SNTG1: variants seen among roughly 807,000 people sequenced by gnomAD.
The protein encoded by SNTG1 is syntrophin gamma 1.
A neutral mutation model predicts 74.7 loss-of-function variants in SNTG1; 39 were observed. The ratio of observed to expected loss-of-function variants is 0.52; its 90% CI spans 0.40 to 0.68. The LOEUF is 0.68. SNTG1 is among the 30% of genes least tolerant of loss of function. SNTG1 has a pLI of 0.00. For synonymous variants in SNTG1, 254 were observed against 217.1 expected (o/e 1.17, Z -1.49); for missense variants, 685 against 609.5 (o/e 1.12, Z -1.30).
intron 15 of SNTG1, among the ~76,000 whole-genome samples, chr8:50,685,301 G>C (rs2095347823): frequency 6.6e-6 from 1 of 152,266 alleles, no homozygotes; most frequent in Admixed American, 6.5e-5. Context: ...CTGCTAGAAA[G>C]AACTATGCCA....
At chr8:50,363,595 G>A (rs1026502461) in intron 2 of SNTG1, among the ~76,000 whole-genome samples, 22 of 152,274 alleles carry the variant, frequency 1.4e-4, no homozygotes, top group African/African-American at 5.1e-4. Context: ...TCACAGAATT[G>A]TAAGACATAT....
rs902821785 is a variant in SNTG1 at position 50,672,724 on chromosome 8, C to T, written c.1038+14061C>T. 3.4e-4 allele frequency among the ~76,000 whole-genome samples: 51 copies of T among 152,124 alleles called. 1 individual carries two copies. Among genetic ancestry groups the T allele is most frequent in the Admixed American group, 3.3e-3 (51 of 15,272 alleles). On this transcript the variant is annotated intron_variant, in intron 15 of 18. Coordinates refer to ENST00000642720, the MANE Select transcript of SNTG1 (RefSeq NM_018967.5). Reference sequence around the variant, plus strand: ...CATTTATCAATCTTGGCTTTTGTTGCAATTGCTTTTTGCATTTTTGACATG... The same window carrying T: ...CATTTATCAATCTTGGCTTTTGTTGTAATTGCTTTTTGCATTTTTGACATG...
At chr8:50,402,068 A>T in intron 3 of SNTG1, 142 bp from the exon 4 acceptor site, 1 of 741,706 alleles carries the variant, frequency 1.3e-6, no homozygotes, top group Non-Finnish European at 2.1e-6. Context: ...CACGTTAAGT[A>T]TTCAATTTCA....
At chr8:50,522,842 G>T (rs1189223832) in intron 9 of SNTG1, among the ~76,000 whole-genome samples, 1 of 152,126 alleles carries the variant, frequency 6.6e-6, no homozygotes, top group Admixed American at 6.5e-5. Flanking sequence ...CTCCCAAAGT[G>T]CTGGGATTAT....
In SNTG1 at chr8:50,019,886, G is replaced by A. The variant is rs866405071; in HGVS notation, c.-103+107655G>A. On this transcript the variant is annotated intron_variant, in intron 1 of 18. Transcript: ENST00000642720. ...CATGCATGTCAAGAGACATAAGAGT[G>A]TCCTCTAAACAGAGGTGTTATTTTA... Among the ~76,000 whole-genome samples, 12 of 152,218 alleles carry A rather than the reference G, an allele frequency of 7.9e-5. No individual in the cohort carries two copies. The East Asian group carries it at 1.2e-3, about 15-fold the overall frequency.
intron 2 of SNTG1, among the ~76,000 whole-genome samples, chr8:50,283,013 G>T (rs749636973): frequency 2.6e-5 from 4 of 152,176 alleles, no homozygotes; most frequent in African/African-American, 7.2e-5. Flanking sequence ...AATGGTAAAT[G>T]CTTCAACAAT....
chr8:50,552,082 C>T (rs2094430548), intron 11 of SNTG1, among the ~76,000 whole-genome samples: 1 of 152,140 alleles, frequency 6.6e-6, no homozygotes, highest in Non-Finnish European at 1.5e-5. Flanking sequence ...TTTTACATAG[C>T]ATTTTGAATA....
In SNTG1 at chr8:50,057,807, C is replaced by T. The variant is rs538964650; in HGVS notation, c.-102-114754C>T. 1.1e-3 allele frequency among the ~76,000 whole-genome samples: 160 copies of T among 152,058 alleles called. 1 individual carries two copies. The Middle Eastern group carries it at 0.014, about 13-fold the overall frequency. ...CCCTTTCATGTCAGCACTTGGATGTCGTTATAGGAATGAACCTATTTTAGG... is the reference window on the plus strand; with the variant it reads ...CCCTTTCATGTCAGCACTTGGATGTTGTTATAGGAATGAACCTATTTTAGG... On this transcript the variant is annotated intron_variant, in intron 1 of 18. Transcript: ENST00000642720.
intron 1 of SNTG1, among the ~76,000 whole-genome samples, chr8:50,010,711 A>T (rs1815699319): frequency 6.6e-6 from 1 of 151,992 alleles, no homozygotes. Flanking sequence ...GTATACTCAG[A>T]ATATTTAAGA....
intron 10 of SNTG1, among the ~76,000 whole-genome samples, chr8:50,536,237 CTG>C (rs2094306234): frequency 6.6e-6 from 1 of 152,136 alleles, no homozygotes; most frequent in African/African-American, 2.4e-5. Flanking sequence ...TTGCAAAAAT[CTG>C]ATAAATTAAA....
At chr8:50,376,675 A>T (rs1170138321) in intron 2 of SNTG1, among the ~76,000 whole-genome samples, 1 of 147,816 alleles carries the variant, frequency 6.8e-6, no homozygotes, top group Non-Finnish European at 1.5e-5. Flanking sequence ...CTTCATTTTA[A>T]TCTATTTCAG....
intron 17 of SNTG1, among the ~76,000 whole-genome samples, chr8:50,710,145 A>G (rs2095457562): frequency 6.6e-6 from 1 of 152,108 alleles, no homozygotes; most frequent in Non-Finnish European, 1.5e-5. Context: ...ACATTACTTA[A>G]ACATATAGTT....
At chr8:50,481,507 T>G (rs1038176913) in intron 8 of SNTG1, among the ~76,000 whole-genome samples, 1 of 152,208 alleles carries the variant, frequency 6.6e-6, no homozygotes, top group African/African-American at 2.4e-5. Context: ...GCTCTGTATA[T>G]TCAAGGAATG....
chr8:50,415,629 A>G (rs1049840760), intron 4 of SNTG1, among the ~76,000 whole-genome samples: 7 of 152,134 alleles, frequency 4.6e-5, no homozygotes, highest in Admixed American at 3.3e-4. Flanking sequence ...CCAAGCCAGT[A>G]AAAGTTCCTC....
At chr8:50,253,431 T>TAAAC (rs1274238122) in intron 2 of SNTG1, among the ~76,000 whole-genome samples, 1 of 151,114 alleles carries the variant, frequency 6.6e-6, no homozygotes, top group Non-Finnish European at 1.5e-5. Flanking sequence ...CTTAAATAAA[T>TAAAC]AAATAAATAA....
At chr8:50,263,784 G>A (rs1042108925) in intron 2 of SNTG1, among the ~76,000 whole-genome samples, 6 of 152,126 alleles carry the variant, frequency 3.9e-5, no homozygotes, top group Non-Finnish European at 8.8e-5. Flanking sequence ...GGTAGAGCAA[G>A]CAGAAAAAGC....
chr8:49,945,011 T>A (rs1011132442), intron 1 of SNTG1, among the ~76,000 whole-genome samples: 5 of 152,138 alleles, frequency 3.3e-5, no homozygotes, highest in Non-Finnish European at 5.9e-5. Context: ...CTATATATTC[T>A]TACTTCTTTA....
chr8:49,980,060 A>T (rs961909832), intron 1 of SNTG1, among the ~76,000 whole-genome samples: 1 of 152,148 alleles, frequency 6.6e-6, no homozygotes, highest in Non-Finnish European at 1.5e-5. Context: ...GCAAGTGACA[A>T]GGAAAAAACC....
chr8:50,135,145 C>G (rs964650238), intron 1 of SNTG1, among the ~76,000 whole-genome samples: 11 of 152,226 alleles, frequency 7.2e-5, no homozygotes, highest in Non-Finnish European at 1.3e-4. Flanking sequence ...AGCCCTACCC[C>G]CTGTCAACAA....
Sources: allele counts gnomAD v4.1 joint callset (sites outside exome capture counted in the v4.1 genomes callset), GRCh38; gene constraint gnomAD v4.1.1; transcripts MANE v1.5; gene names NCBI Gene and HGNC (gene_info 2026-07-23, HGNC 2026-07-21).